ZDHHC13: variants seen among roughly 807,000 people sequenced by gnomAD.
The protein encoded by ZDHHC13 is zDHHC palmitoyltransferase 13.
A neutral mutation model predicts 86.0 loss-of-function variants in ZDHHC13; 85 were observed. The ratio of observed to expected loss-of-function variants is 0.99; its 90% CI spans 0.83 to 1.18. ZDHHC13 has a LOEUF of 1.18. Among genes scored for constraint, ZDHHC13 ranks in the 50% most tolerant of loss-of-function variants. The pLI is 0.00. For missense variants in ZDHHC13, 711 were observed against 730.2 expected (o/e 0.97, Z 0.30); for synonymous variants, 263 against 246.4 (o/e 1.07, Z -0.63).
chr11:19,152,629 C>A lies in ZDHHC13; in HGVS notation c.818C>A (p.Ala273Asp). 1 of 1,613,168 alleles carries A rather than the reference C, an allele frequency of 6.2e-7. No individual in the cohort carries two copies. Among genetic ancestry groups the A allele is most frequent in the Non-Finnish European group, 8.5e-7 (1 of 1,179,374 alleles). ...QLIIHMLKTE[A>D]KMRANQKFRL... ...ATTATTCATATGCTAAAAACAGAAG[C>A]CAAAATGAGAGCCAACCAAAAGTTC... The change falls in exon 8 of 17, where the codon GCC becomes GAC. Residue 273 changes from alanine to aspartate, a missense_variant. Transcript: ENST00000446113.
rs774071760 is a variant in ZDHHC13, at chr11:19,152,353, T to A, written c.747+33T>A. ...CAGATATTTATCTCCCTTAGTTTAT[T>A]ATATCTTGAGTTAGAAGATTGATAA... On this transcript the variant is annotated intron_variant, in intron 7 of 16. Coordinates refer to ENST00000446113, the MANE Select transcript of ZDHHC13 (RefSeq NM_019028.3). 3.1e-6 allele frequency: 5 copies of A among 1,601,700 alleles called. No homozygotes were observed. In the African/African-American group the frequency reaches 4.0e-5, roughly 13 times the overall value.
Position 19,152,682 on chromosome 11 carries a change from G to A in ZDHHC13, c.871G>A (p.Glu291Lys), listed in dbSNP as rs761442828. The A allele has an allele frequency of 9.9e-6, 16 of 1,612,896 alleles. No homozygotes were observed. The highest frequency in any genetic ancestry group is 2.7e-5 in the African/African-American group (2 of 74,846). ...FRLWRWLQKC[E>K]LFLLLMLSVI... ...ACTTTGGAGGTGGCTGCAGAAATGC[G>A]AGGTATTTTCATATGGGGTCTTTTC... The change falls in exon 8 of 17, where the codon GAG (glutamate) becomes AAG (lysine). Residue 291 changes from glutamate to lysine, a missense_variant and splice_region_variant. Glu to Lys is a moderately conservative substitution (Grantham distance 56). Coordinates refer to ENST00000446113, the MANE Select transcript of ZDHHC13 (RefSeq NM_019028.3).
chr11:19,162,271 T>C (rs1322852164), intron 10 of ZDHHC13, among the ~76,000 whole-genome samples: 1 of 152,174 alleles, frequency 6.6e-6, no homozygotes, highest in African/African-American at 2.4e-5. Context: ...GTTGAAGTTA[T>C]AGAAAGGCAA....
At position 19,146,303 on chromosome 11, in the gene ZDHHC13, A is replaced by G. The variant is rs2271001; in HGVS notation, c.296A>G (p.Lys99Arg). 1,121,104 of 1,606,058 alleles carry G rather than the reference A, an allele frequency of 0.7. 396,600 individuals are homozygous for G. Among genetic ancestry groups the G allele is most frequent in the Admixed American group, 0.8 (47,024 of 58,536 alleles). ...AAINNRLDLV[K>R]FYISKGAVVD... ...ATTAACAACAGACTGGATCTTGTAA[A>G]GTAAGATGGGATATGTGTGTTAATT... The change falls in exon 3 of 17, where the codon AAG (lysine) becomes AGG (arginine). Residue 99 changes from lysine to arginine, a missense_variant and splice_region_variant. Coordinates refer to ENST00000446113, the MANE Select transcript of ZDHHC13 (RefSeq NM_019028.3).
At chr11:19,146,343 T>G in intron 3 of ZDHHC13, 40 bp downstream of exon 3, 1 of 1,588,002 alleles carries the variant, frequency 6.3e-7, no homozygotes, top group Non-Finnish European at 8.6e-7. Context: ...ATTTATAATT[T>G]TAGACCTCTC....
chr11:19,170,224 T>G (rs1422305310), intron 14 of ZDHHC13, 187 bp from the exon 15 acceptor site: 11 of 1,403,402 alleles, frequency 7.8e-6, no homozygotes, highest in Non-Finnish European at 1.0e-5. Flanking sequence ...CAATTAACAT[T>G]GAGCCACCAT....
intron 1 of ZDHHC13, among the ~76,000 whole-genome samples, chr11:19,119,191 A>G (rs1413362295): frequency 1.3e-5 from 2 of 151,884 alleles, no homozygotes. Flanking sequence ...GCTCACTGCA[A>G]TCTCCGCCTC....
intron 1 of ZDHHC13, among the ~76,000 whole-genome samples, chr11:19,137,728 A>C (rs1292170312): frequency 6.6e-6 from 1 of 152,250 alleles, no homozygotes; most frequent in Admixed American, 6.5e-5. Flanking sequence ...ACCACAGTGC[A>C]ATCAAACTAG....
At chr11:19,140,621 G>GT (rs1208637501) in intron 1 of ZDHHC13, among the ~76,000 whole-genome samples, 1 of 152,082 alleles carries the variant, frequency 6.6e-6, no homozygotes, top group African/African-American at 2.4e-5. Context: ...GCACACGTAT[G>GT]TTTATTGCGG....
At chr11:19,159,302 G>T (rs116248812) in intron 10 of ZDHHC13, among the ~76,000 whole-genome samples, 1 of 151,942 alleles carries the variant, frequency 6.6e-6, no homozygotes, top group Admixed American at 6.6e-5. Context: ...TGTTTTACTT[G>T]TACCATAATT....
rs77775158 is a variant in ZDHHC13, at chr11:19,131,266, C to T, written c.28-11712C>T. 6.8e-3 allele frequency among the ~76,000 whole-genome samples: 1,042 copies of T among 152,250 alleles called. 9 individuals carry two copies. The highest frequency in any genetic ancestry group is 0.024 in the African/African-American group (983 of 41,558). On this transcript the variant is annotated intron_variant, in intron 1 of 16. Transcript: ENST00000446113. Reference sequence around the variant, plus strand: ...AACTCCTGTCCTCGTGAACTGCCCGCCTTGGCCTCCCAAAGCGTCCAGACT... The same window carrying T: ...AACTCCTGTCCTCGTGAACTGCCCGTCTTGGCCTCCCAAAGCGTCCAGACT...
At chr11:19,132,685 A>G (rs930063766) in intron 1 of ZDHHC13, among the ~76,000 whole-genome samples, 1 of 152,152 alleles carries the variant, frequency 6.6e-6, no homozygotes, top group African/African-American at 2.4e-5. Context: ...GCTCTAAAAC[A>G]AAGTGTTTTC....
rs559585845 is a variant in ZDHHC13, at chr11:19,133,942, T to TACAC, written c.28-9035_28-9032dup. Among the ~76,000 whole-genome samples, 368 of 95,110 alleles carry TACAC rather than the reference T, an allele frequency of 3.9e-3. 6 individuals are homozygous for TACAC. Among genetic ancestry groups the TACAC allele is most frequent in the Middle Eastern group, 6.7e-3 (1 of 150 alleles). The allele number at this position is 95,110 out of a possible 152,430, so 62.4% of individuals were successfully genotyped here. ...GTCCATATATATATATATATATATA[T>TACAC]ACACGTATGTGTTTTATATACTTCA... On this transcript the variant is annotated intron_variant, in intron 1 of 16. Coordinates refer to ENST00000446113, the MANE Select transcript of ZDHHC13 (RefSeq NM_019028.3).
chr11:19,164,475 C>T, intron 12 of ZDHHC13, 112 bp downstream of exon 12: 1 of 1,032,702 alleles, frequency 9.7e-7, no homozygotes, highest in Non-Finnish European at 1.4e-6. Flanking sequence ...TTGTTTTTAC[C>T]CATTTCTAAT....
At chr11:19,173,692 G>A (rs1441745594) in intron 16 of ZDHHC13, among the ~76,000 whole-genome samples, 1 of 152,202 alleles carries the variant, frequency 6.6e-6, no homozygotes, top group Admixed American at 6.5e-5. Context: ...GTAAACTTGT[G>A]ATGATTGTTT....
At chr11:19,168,837 G>C in intron 14 of ZDHHC13, 1 of 985,380 alleles carries the variant, frequency 1.0e-6, no homozygotes, top group Non-Finnish European at 1.2e-6. Flanking sequence ...CTGTTTACAA[G>C]GTGGATAGTA....
chr11:19,157,931 G>A (rs1232627534), intron 9 of ZDHHC13, among the ~76,000 whole-genome samples: 1 of 152,162 alleles, frequency 6.6e-6, no homozygotes, highest in East Asian at 1.9e-4. Flanking sequence ...ATTGATCTGG[G>A]CTGTTAACCT....
At chr11:19,119,857 G>T (rs1213734215) in intron 1 of ZDHHC13, among the ~76,000 whole-genome samples, 1 of 152,154 alleles carries the variant, frequency 6.6e-6, no homozygotes, top group Admixed American at 6.5e-5. Flanking sequence ...CTAAACTCTG[G>T]TACTTCTGTT....
chr11:19,147,520 A>G, intron 3 of ZDHHC13, 76 bp from the exon 4 acceptor site: 1 of 1,292,506 alleles, frequency 7.7e-7, no homozygotes, highest in Non-Finnish European at 1.1e-6. Context: ...TATTACTATG[A>G]AAAAATTAGT....
Sources: gnomAD v4.1 joint callset for allele counts (sites outside exome capture counted in the v4.1 genomes callset) on GRCh38, gnomAD v4.1.1 for gene constraint, MANE v1.5 for transcripts, NCBI Gene and HGNC (gene_info 2026-07-23, HGNC 2026-07-21) for gene names.